The following VPS54 variants were observed in gnomAD, a reference collection of about 807,000 sequenced individuals.
VPS54 encodes the protein VPS54 subunit of GARP complex.
Under a neutral mutation model 121.5 loss-of-function variants are expected in VPS54, and 45 were observed. The observed-to-expected ratio is 0.37, with a 90% CI of 0.29 to 0.47. The LOEUF is 0.47. Ranked by LOEUF, VPS54 falls within the 20% of genes least tolerant of loss-of-function variation. The pLI, the probability that VPS54 is intolerant of heterozygous loss-of-function variation, is 0.99. For synonymous variants in VPS54, 371 were observed against 385.8 expected, an observed-to-expected ratio of 0.96 and a Z score of 0.45; for missense variants, 1,090 against 1,131.4, an observed-to-expected ratio of 0.96 and a Z score of 0.52.
intron 5 of VPS54, among the ~76,000 whole-genome samples, chr2:63,968,101 C>CT (rs542407909): frequency 6.6e-6 from 1 of 151,360 alleles, no homozygotes; most frequent in South Asian, 2.1e-4. Flanking sequence ...ATCCTTCTAC[C>CT]TTTTTTGTGT....
chr2:63,950,947 C>G (rs931647997), intron 7 of VPS54, among the ~76,000 whole-genome samples: 1 of 152,092 alleles, frequency 6.6e-6, no homozygotes, highest in Admixed American at 6.6e-5. Flanking sequence ...TTAAGCCAAA[C>G]CTCTAAAATT....
At chr2:63,948,973 A>C in intron 8 of VPS54, 64 bp downstream of exon 8, 1 of 1,569,222 alleles carries the variant, frequency 6.4e-7, no homozygotes, top group East Asian at 2.3e-5. Context: ...TCTGAGAAAA[A>C]TGTGTTCTAA....
At chr2:63,967,059 T>C (rs755950477) in intron 5 of VPS54, among the ~76,000 whole-genome samples, 2 of 152,196 alleles carry the variant, frequency 1.3e-5, no homozygotes, top group African/African-American at 2.4e-5. Context: ...TATGCATATC[T>C]CCCTCTGGAG....
chr2:64,007,585 G>A (rs1678221017), intron 1 of VPS54, among the ~76,000 whole-genome samples: 1 of 152,192 alleles, frequency 6.6e-6, no homozygotes. Flanking sequence ...AAATATTCTT[G>A]TAGTGAACAG....
chr2:63,959,569 C>T (rs1175656673), intron 7 of VPS54, among the ~76,000 whole-genome samples: 1 of 152,104 alleles, frequency 6.6e-6, no homozygotes, highest in Non-Finnish European at 1.5e-5. Flanking sequence ...AAAATCAGAA[C>T]ATCTGAAAGT....
intron 20 of VPS54, among the ~76,000 whole-genome samples, chr2:63,901,169 AG>A (rs1270291222): frequency 6.6e-6 from 1 of 152,126 alleles, no homozygotes; most frequent in African/African-American, 2.4e-5. Context: ...AAATTTAGAA[AG>A]CTGCAATAGA....
intron 1 of VPS54, among the ~76,000 whole-genome samples, chr2:63,998,166 G>A (rs1055008401): frequency 2.6e-5 from 4 of 152,138 alleles, no homozygotes; most frequent in African/African-American, 9.7e-5. Flanking sequence ...TATATCCTAT[G>A]CTGAATTGAC....
chr2:63,972,237 TTCTC>T lies in VPS54; in HGVS notation c.382_385del (p.Glu128ArgfsTer39), dbSNP rs752062899. 16 of 1,588,404 alleles carry T rather than the reference TTCTC, an allele frequency of 1.0e-5. No individual in the cohort carries two copies. Among genetic ancestry groups the T allele is most frequent in the Non-Finnish European group, 1.4e-5 (16 of 1,162,712 alleles). On this transcript the variant is annotated frameshift_variant, in exon 4 of 23. Coordinates refer to ENST00000272322, the MANE Select transcript of VPS54 (RefSeq NM_016516.3). LOFTEE classifies it high-confidence loss of function. Reference sequence around the variant, plus strand: ...AATATTCTTGCATCTCTCATGAATCTTCTCTCTCTAATAAAAAGACAAATAACAT... The same window carrying T: ...AATATTCTTGCATCTCTCATGAATCTTCTCTAATAAAAAGACAAATAACAT...
intron 1 of VPS54, among the ~76,000 whole-genome samples, chr2:64,005,001 C>G (rs1678056300): frequency 6.7e-6 from 1 of 149,812 alleles, no homozygotes. Flanking sequence ...TGGTCCTGAA[C>G]TCCTGGGCTC....
intron 11 of VPS54, among the ~76,000 whole-genome samples, chr2:63,940,747 G>T (rs3770385): frequency 0.2 from 30,109 of 151,948 alleles, 4,296 homozygotes; most frequent in East Asian, 0.76. Context: ...CTGGCAAAAA[G>T]TTGGCCAATT....
intron 1 of VPS54, among the ~76,000 whole-genome samples, chr2:64,005,523 G>GTAC (rs1678103192): frequency 6.6e-6 from 1 of 152,174 alleles, no homozygotes; most frequent in Non-Finnish European, 1.5e-5. Context: ...ATTTCTATTG[G>GTAC]TGACAAAGCT....
intron 11 of VPS54, among the ~76,000 whole-genome samples, chr2:63,937,388 A>G (rs1042156387): frequency 6.6e-5 from 10 of 152,240 alleles, no homozygotes; most frequent in African/African-American, 2.4e-4. Context: ...AGCACATAAA[A>G]AAGATGCTCA....
At chr2:63,967,681 T>C (rs1389756582) in intron 5 of VPS54, among the ~76,000 whole-genome samples, 1 of 123,318 alleles carries the variant, frequency 8.1e-6, no homozygotes, top group Non-Finnish European at 1.6e-5. Flanking sequence ...ATTGTGCCAC[T>C]GCACTCCAGC....
At chr2:63,987,065 A>T (rs1336840443) in intron 1 of VPS54, among the ~76,000 whole-genome samples, 2 of 152,110 alleles carry the variant, frequency 1.3e-5, no homozygotes, top group African/African-American at 4.8e-5. Context: ...GAAGCTTTGT[A>T]ACTTGATGTG....
intron 20 of VPS54, among the ~76,000 whole-genome samples, chr2:63,901,023 G>C (rs966033023): frequency 2.0e-5 from 3 of 152,162 alleles, no homozygotes; most frequent in African/African-American, 7.2e-5. Context: ...GCCTCCCAAA[G>C]TGCTGGGATT....
rs1001612289 is a variant in VPS54 at position 63,999,943 on chromosome 2, C to T, written c.-20-15924G>A. On this transcript the variant is annotated intron_variant, in intron 1 of 22. Transcript: ENST00000272322. Reference sequence around the variant, plus strand: ...TGGCACGATCTCGTCTCACTGCAACCTCTGCCTCCCAGGTTCAAGCAATTC... The same window carrying T: ...TGGCACGATCTCGTCTCACTGCAACTTCTGCCTCCCAGGTTCAAGCAATTC... 5.9e-5 allele frequency among the ~76,000 whole-genome samples: 9 copies of T among 152,098 alleles called. No individual in the cohort carries two copies. The South Asian group carries it at 1.5e-3, about 25-fold the overall frequency.
At chr2:63,932,622 T>G (rs1207004493) in intron 12 of VPS54, among the ~76,000 whole-genome samples, 1 of 151,806 alleles carries the variant, frequency 6.6e-6, no homozygotes, top group East Asian at 1.9e-4. Context: ...AAACTGCACT[T>G]TCTGCACATG....
At chr2:63,947,043 CATA>C (rs1270972670) in intron 9 of VPS54, among the ~76,000 whole-genome samples, 1 of 151,700 alleles carries the variant, frequency 6.6e-6, no homozygotes, top group Non-Finnish European at 1.5e-5. Context: ...GTAGATTTAA[CATA>C]ATGTTAATGG....
chr2:63,990,004 AG>A (rs1677238604), intron 1 of VPS54, among the ~76,000 whole-genome samples: 1 of 152,256 alleles, frequency 6.6e-6, no homozygotes, highest in South Asian at 2.1e-4. Flanking sequence ...GCAACATTCC[AG>A]GAGCTGTTCC....
Sources: allele counts gnomAD v4.1 joint callset (sites outside exome capture counted in the v4.1 genomes callset), GRCh38; gene constraint gnomAD v4.1.1; transcripts MANE v1.5; gene names NCBI Gene and HGNC (gene_info 2026-07-23, HGNC 2026-07-21).